MED27: variants seen among roughly 807,000 people sequenced by gnomAD.
MED27 encodes the protein mediator of RNA polymerase II transcription subunit 27.
In MED27, 30 loss-of-function variants were observed where a neutral mutation model predicts 38.2. The ratio of observed to expected loss-of-function variants is 0.79; its 90% confidence interval spans 0.59 to 1.07. MED27 has a LOEUF of 1.07. Ranked by LOEUF, MED27 falls within the 50% of genes least tolerant of loss-of-function variation. The probability of loss-of-function intolerance (pLI) is 0.00; values close to 1 mark genes in which losing one functional copy is unlikely to be tolerated. For missense variants in MED27, 289 were observed against 397.5 expected, an observed-to-expected ratio of 0.73 and a Z score of 2.32; for synonymous variants, 122 against 153.5, an observed-to-expected ratio of 0.79 and a Z score of 1.52.
intron 2 of MED27, among the ~76,000 whole-genome samples, chr9:132,057,626 G>A (rs542326241): frequency 3.9e-5 from 6 of 152,330 alleles, no homozygotes; most frequent in African/African-American, 1.4e-4. Context: ...ATAAGCCAAT[G>A]CGATGGCAAT....
intron 3 of MED27, among the ~76,000 whole-genome samples, chr9:131,945,153 T>C (rs1421708309): frequency 6.8e-6 from 1 of 147,244 alleles, no homozygotes; most frequent in Non-Finnish European, 1.5e-5. Context: ...AAAATTTATA[T>C]ATATATAAAT....
intron 2 of MED27, among the ~76,000 whole-genome samples, chr9:132,070,803 C>A (rs1246033911): frequency 6.6e-6 from 1 of 152,012 alleles, no homozygotes; most frequent in Non-Finnish European, 1.5e-5. Flanking sequence ...CCCACACCCC[C>A]CACCAAACCC....
At chr9:131,964,394 GAT>G (rs1831296054) in intron 3 of MED27, among the ~76,000 whole-genome samples, 1 of 126,964 alleles carries the variant, frequency 7.9e-6, no homozygotes, top group African/African-American at 2.9e-5. Context: ...TGGTGGTGGT[GAT>G]GCTGGAGGTG....
At chr9:131,958,416 T>A (rs1831149260) in intron 3 of MED27, among the ~76,000 whole-genome samples, 1 of 152,030 alleles carries the variant, frequency 6.6e-6, no homozygotes. Context: ...TGGCTAATTT[T>A]TTTGTATTTT....
chr9:132,032,814 C>T (rs1374790045), intron 2 of MED27, among the ~76,000 whole-genome samples: 2 of 152,180 alleles, frequency 1.3e-5, no homozygotes, highest in African/African-American at 4.8e-5. Flanking sequence ...CACAGCCCTG[C>T]GCCCAAGCCA....
chr9:131,920,003 GT>G (rs1208706785), intron 4 of MED27, among the ~76,000 whole-genome samples: 2 of 151,950 alleles, frequency 1.3e-5, no homozygotes, highest in Non-Finnish European at 2.9e-5. Flanking sequence ...TAGAGATGGG[GT>G]TTTTCCATGT....
At chr9:131,894,725 C>T (rs1468171909) in intron 4 of MED27, among the ~76,000 whole-genome samples, 1 of 152,100 alleles carries the variant, frequency 6.6e-6, no homozygotes, top group Non-Finnish European at 1.5e-5. Flanking sequence ...GAAACAGCAC[C>T]TTCCCTTCTT....
At chr9:131,971,358 CA>C (rs1463789294) in intron 3 of MED27, among the ~76,000 whole-genome samples, 2 of 152,098 alleles carry the variant, frequency 1.3e-5, no homozygotes, top group Non-Finnish European at 2.9e-5. Flanking sequence ...TTAGCAAGGA[CA>C]GGGGGAGAGA....
chr9:132,012,943 T>C (rs1319221881), intron 3 of MED27, among the ~76,000 whole-genome samples: 1 of 152,088 alleles, frequency 6.6e-6, no homozygotes, highest in Non-Finnish European at 1.5e-5. Context: ...TGAGCAAAGG[T>C]AAACAATCAA....
intron 6 of MED27, among the ~76,000 whole-genome samples, chr9:131,866,466 TGCCTCATACCCAAGCA>T (rs35238835): frequency 0.17 from 26,490 of 152,234 alleles, 2,405 homozygotes; most frequent in African/African-American, 0.22. Flanking sequence ...CTCTTCCCCC[TGCCTCATACCCAAGCA>T]GCCTCGTGGT....
chr9:131,945,444 G>T (rs1190850516), intron 3 of MED27, among the ~76,000 whole-genome samples: 1 of 152,080 alleles, frequency 6.6e-6, no homozygotes, highest in Non-Finnish European at 1.5e-5. Flanking sequence ...TGTGTGGTAA[G>T]AACACCTAAA....
rs557023144 is a variant in MED27 at position 132,072,334 on chromosome 9, AT to A, written c.348+5107del. ...GATGAGGAAACTGATACTCAAAAAG[AT>A]TTTTTTCCCTTGTATCAAGGGTTGT... On this transcript the variant is annotated intron_variant, in intron 2 of 7. Transcript: ENST00000292035. 9.2e-5 allele frequency among the ~76,000 whole-genome samples: 14 copies of A among 152,162 alleles called. No homozygotes were observed. In the South Asian group the frequency reaches 2.9e-3, roughly 32 times the overall value.
intron 3 of MED27, among the ~76,000 whole-genome samples, chr9:132,010,290 A>G (rs1832456885): frequency 6.6e-6 from 1 of 152,248 alleles, no homozygotes; most frequent in Non-Finnish European, 1.5e-5. Flanking sequence ...AATGCTCATC[A>G]TCACTGGCCA....
intron 6 of MED27, among the ~76,000 whole-genome samples, chr9:131,871,067 G>T (rs1454331810): frequency 6.6e-6 from 1 of 152,210 alleles, no homozygotes; most frequent in African/African-American, 2.4e-5. Flanking sequence ...TCCTACTGTG[G>T]ACCCCAGATT....
intron 4 of MED27, among the ~76,000 whole-genome samples, chr9:131,936,899 G>A (rs541041413): frequency 1.3e-5 from 2 of 152,340 alleles, no homozygotes; most frequent in South Asian, 2.1e-4. Flanking sequence ...GGGAGGTAAA[G>A]GAAGGTGTCA....
intron 2 of MED27, among the ~76,000 whole-genome samples, chr9:132,059,271 G>A (rs1833648860): frequency 6.6e-6 from 1 of 152,176 alleles, no homozygotes; most frequent in Non-Finnish European, 1.5e-5. Context: ...GAGGGCAAGA[G>A]GAACAGATCA....
Position 131,862,436 on chromosome 9 carries a change from T to C in MED27, c.801+627A>G, listed in dbSNP as rs1459873205. Among the ~76,000 whole-genome samples, 1 of 152,200 alleles carries C rather than the reference T, an allele frequency of 6.6e-6. No individual in the cohort carries two copies. Among genetic ancestry groups the C allele is most frequent in the African/African-American group, 2.4e-5 (1 of 41,444 alleles). On this transcript the variant is annotated intron_variant, in intron 7 of 7. Coordinates refer to ENST00000292035, the MANE Select transcript of MED27 (RefSeq NM_004269.4). This position sits in a 1 kb window ranked among gnomAD's most constrained non-coding sequence, Gnocchi z 4.6. Reference sequence around the variant, plus strand: ...GCGGGGACATGGTGTTAGCCCTGCTTAGGCCAACTGGTGGCGGCGTGATAA... The same window carrying C: ...GCGGGGACATGGTGTTAGCCCTGCTCAGGCCAACTGGTGGCGGCGTGATAA...
At chr9:132,076,068 AC>A (rs1589307256) in intron 2 of MED27, among the ~76,000 whole-genome samples, 1 of 152,274 alleles carries the variant, frequency 6.6e-6, no homozygotes, top group African/African-American at 2.4e-5. Context: ...AGGTATAAGA[AC>A]TATGTATATC....
intron 4 of MED27, among the ~76,000 whole-genome samples, chr9:131,929,039 A>G (rs1303874888): frequency 6.6e-6 from 1 of 152,202 alleles, no homozygotes; most frequent in Non-Finnish European, 1.5e-5. Context: ...CTCAGCCACA[A>G]CAGGATAGGG....
Sources: gnomAD v4.1 joint callset for allele counts (sites outside exome capture counted in the v4.1 genomes callset) on GRCh38, gnomAD v4.1.1 for gene constraint, Gnocchi (gnomAD v3.1) non-coding constraint, MANE v1.5 for transcripts, NCBI Gene and HGNC (gene_info 2026-07-23, HGNC 2026-07-21) for gene names.